The following PCDH15 variants were observed in gnomAD, a reference collection of about 807,000 sequenced individuals.
PCDH15 encodes protocadherin related 15, also known as protocadherin-15.
A neutral mutation model predicts 178.5 loss-of-function variants in PCDH15; 129 were observed. The ratio of observed to expected loss-of-function variants is 0.72; its 90% CI spans 0.63 to 0.84. The LOEUF is 0.84. Among genes scored for constraint, PCDH15 ranks in the 40% least tolerant of loss-of-function variants. The probability of loss-of-function intolerance (pLI) is 0.00; values close to 1 mark genes in which losing one functional copy is unlikely to be tolerated. For missense variants in PCDH15, 2,230 were observed against 2,099.9 expected, an observed-to-expected ratio of 1.06 and a Z score of -1.21; for synonymous variants, 800 against 732.0, an observed-to-expected ratio of 1.09 and a Z score of -1.50.
intron 2 of PCDH15, among the ~76,000 whole-genome samples, chr10:54,545,108 G>GA (rs759325858): frequency 2.2e-4 from 33 of 152,062 alleles, no homozygotes; most frequent in African/African-American, 7.7e-4. Context: ...GAATGTGTGG[G>GA]AAAAAAAGAC....
intron 2 of PCDH15, among the ~76,000 whole-genome samples, chr10:55,048,717 T>C (rs1375061528): frequency 2.0e-5 from 3 of 151,922 alleles, no homozygotes; most frequent in Non-Finnish European, 4.4e-5. Flanking sequence ...TTTTTATTAA[T>C]ATATTTTTAT....
chr10:55,207,696 C>T (rs1013526515), intron 1 of PCDH15, among the ~76,000 whole-genome samples: 8 of 152,080 alleles, frequency 5.3e-5, no homozygotes, highest in African/African-American at 1.9e-4. Context: ...AGGCTGGATG[C>T]CATGGCTTAC....
At chr10:53,825,598 A>C (rs1397047620) in intron 32 of PCDH15, among the ~76,000 whole-genome samples, 2 of 151,756 alleles carry the variant, frequency 1.3e-5, no homozygotes, top group Non-Finnish European at 3.0e-5. Flanking sequence ...ATTACAAAGT[A>C]ATTATAGCAT....
intron 2 of PCDH15, among the ~76,000 whole-genome samples, chr10:55,462,609 A>G (rs1213901184): frequency 6.6e-6 from 1 of 152,172 alleles, no homozygotes. Flanking sequence ...ACTGAAAATT[A>G]AACTGTTCGA....
intron 2 of PCDH15, among the ~76,000 whole-genome samples, chr10:55,127,346 G>T (rs374777798): frequency 2.6e-5 from 4 of 152,088 alleles, no homozygotes; most frequent in African/African-American, 9.6e-5. Flanking sequence ...TTCAGATGTG[G>T]AACACTTACT....
At chr10:53,851,573 T>G (rs2078358602) in intron 28 of PCDH15, among the ~76,000 whole-genome samples, 2 of 150,486 alleles carry the variant, frequency 1.3e-5, no homozygotes, top group African/African-American at 4.9e-5. Flanking sequence ...ACTTTCCCCT[T>G]AAAACCAAGT....
chr10:55,260,790 G>A (rs1403093989), intron 1 of PCDH15, among the ~76,000 whole-genome samples: 8 of 152,114 alleles, frequency 5.3e-5, no homozygotes, highest in Non-Finnish European at 1.2e-4. Context: ...AAAAAGAATA[G>A]ATAAGCAAAA....
At chr10:55,245,402 T>G (rs145600066) in intron 1 of PCDH15, among the ~76,000 whole-genome samples, 4 of 152,124 alleles carry the variant, frequency 2.6e-5, no homozygotes, top group Non-Finnish European at 5.9e-5. Flanking sequence ...ACATCTTATA[T>G]TACTGTATTA....
intron 14 of PCDH15, 41 bp from the exon 15 acceptor site, chr10:54,133,048 C>A: frequency 1.2e-6 from 2 of 1,613,148 alleles, no homozygotes; most frequent in Non-Finnish European, 1.7e-6. Context: ...TACGAATCTG[C>A]ATCACATTTA....
At chr10:55,360,135 C>G (rs2131977507) in intron 2 of PCDH15, among the ~76,000 whole-genome samples, 1 of 151,942 alleles carries the variant, frequency 6.6e-6, no homozygotes, top group Admixed American at 6.6e-5. Flanking sequence ...AATGTTCTCA[C>G]CACAAAAACT....
chr10:54,909,220 G>A (rs995912135), intron 2 of PCDH15, among the ~76,000 whole-genome samples: 1 of 152,144 alleles, frequency 6.6e-6, no homozygotes, highest in Non-Finnish European at 1.5e-5. Context: ...CCAGTCCCCA[G>A]GCTTCAGGCC....
At chr10:55,269,564 C>T (rs1842386698) in intron 1 of PCDH15, among the ~76,000 whole-genome samples, 1 of 151,966 alleles carries the variant, frequency 6.6e-6, no homozygotes, top group Admixed American at 6.6e-5. Context: ...TCTAGAAATA[C>T]AGCTAACCAA....
intron 8 of PCDH15, among the ~76,000 whole-genome samples, chr10:54,250,267 C>CTTTTT (rs765895227): frequency 2.3e-4 from 19 of 84,070 alleles, no homozygotes; most frequent in East Asian, 7.0e-4. Flanking sequence ...TATGCTATTA[C>CTTTTT]TTTTTTTTTT....
At chr10:55,276,475 T>C (rs777116598) in intron 1 of PCDH15, among the ~76,000 whole-genome samples, 2 of 151,258 alleles carry the variant, frequency 1.3e-5, no homozygotes, top group Non-Finnish European at 3.0e-5. Context: ...TTTATTGAGT[T>C]TATTATATTT....
chr10:54,503,264 T>TGTGTGTGTGAGA lies in PCDH15; in HGVS notation c.157+24547_157+24548insTCTCACACACAC, dbSNP rs35648214. Among the ~76,000 whole-genome samples, 241 of 137,370 alleles carry TGTGTGTGTGAGA rather than the reference T, an allele frequency of 1.8e-3. 3 individuals carry two copies. The highest frequency in any genetic ancestry group is 0.011 in the Middle Eastern group (3 of 272). The allele number at this position is 137,370 out of a possible 152,430, so 90.1% of individuals were successfully genotyped here. A position where few individuals can be genotyped will look rare whatever the true frequency, so the allele number is the denominator to read the frequency against. ...GTGTGTGTGTGTGTGTGTGTGTGTG[T>TGTGTGTGTGAGA]GATTATATATATTTATATATAATAT... On this transcript the variant is annotated intron_variant, in intron 3 of 37. Coordinates refer to ENST00000644397, the MANE Select transcript of PCDH15 (RefSeq NM_001384140.1).
chr10:54,665,349 T>C lies in PCDH15; in HGVS notation c.-28-1059A>G, dbSNP rs111363822. Among the ~76,000 whole-genome samples, 258 of 152,084 alleles carry C rather than the reference T, an allele frequency of 1.7e-3. 3 individuals carry two copies. The highest frequency in any genetic ancestry group is 5.8e-3 in the African/African-American group (241 of 41,524). ...AAATTTTCATGTGATTTCCAAGTGT[T>C]TACATGATTGTGCAATCTTCTTTAT... On this transcript the variant is annotated intron_variant, in intron 1 of 37. Coordinates refer to ENST00000644397, the MANE Select transcript of PCDH15 (RefSeq NM_001384140.1).
intron 1 of PCDH15, among the ~76,000 whole-genome samples, chr10:54,784,070 A>G (rs1024251323): frequency 3.3e-5 from 5 of 151,934 alleles, no homozygotes; most frequent in Non-Finnish European, 7.4e-5. Flanking sequence ...ATGAGGTCCT[A>G]TGGGAACTCA....
intron 1 of PCDH15, among the ~76,000 whole-genome samples, chr10:55,303,900 T>A (rs1486927517): frequency 1.3e-5 from 2 of 152,162 alleles, no homozygotes; most frequent in Admixed American, 1.3e-4. Flanking sequence ...TTTATTCTGA[T>A]CATATATTAT....
intron 2 of PCDH15, among the ~76,000 whole-genome samples, chr10:55,496,953 C>T (rs71492654): frequency 5.9e-5 from 9 of 151,696 alleles, no homozygotes; most frequent in African/African-American, 1.5e-4. Flanking sequence ...TGAGTCTCCA[C>T]AAAATAGGCA....
Sources: gnomAD v4.1 joint callset for allele counts (sites outside exome capture counted in the v4.1 genomes callset) on GRCh38, gnomAD v4.1.1 for gene constraint, MANE v1.5 for transcripts, NCBI Gene and HGNC (gene_info 2026-07-23, HGNC 2026-07-21) for gene names.